Variants in ATM observed in about 807,000 individuals in gnomAD.
ATM encodes the protein ATM serine/threonine kinase.
A neutral mutation model predicts 387.0 loss-of-function variants in ATM; 308 were observed. The observed-to-expected ratio is 0.80, with a 90% CI of 0.73 to 0.87. The LOEUF is 0.87. Ranked by LOEUF, ATM falls within the 40% of genes least tolerant of loss-of-function variation. ATM has a pLI of 0.00. For synonymous variants in ATM, 1,156 were observed against 1,187.3 expected, an observed-to-expected ratio of 0.97 and a Z score of 0.54; for missense variants, 3,312 against 3,560.9, an observed-to-expected ratio of 0.93 and a Z score of 1.78.
chr11:108,245,368 G>C (rs537471765), intron 7 of ATM, among the ~76,000 whole-genome samples: 5 of 152,244 alleles, frequency 3.3e-5, no homozygotes, highest in African/African-American at 1.2e-4. Flanking sequence ...AAGAAAGCAG[G>C]ATCTTGTTTA....
chr11:108,318,973 C>T (rs567713979), intron 43 of ATM, among the ~76,000 whole-genome samples: 1 of 152,018 alleles, frequency 6.6e-6, no homozygotes, highest in South Asian at 2.1e-4. Flanking sequence ...GTTAGGAATT[C>T]AAGACAAGCT....
intron 44 of ATM, among the ~76,000 whole-genome samples, 198 bp downstream of exon 44, chr11:108,320,256 T>C (rs956237253): frequency 6.6e-6 from 1 of 152,242 alleles, no homozygotes; most frequent in African/African-American, 2.4e-5. Flanking sequence ...GTTCATTCTT[T>C]ACCCTGACCC....
At chr11:108,363,453 C>T (rs999408911) in intron 61 of ATM, among the ~76,000 whole-genome samples, 8 of 152,198 alleles carry the variant, frequency 5.3e-5, no homozygotes, top group African/African-American at 1.9e-4. Flanking sequence ...ATATCTCTCC[C>T]TCTAACTCAG....
intron 32 of ATM, among the ~76,000 whole-genome samples, chr11:108,296,448 C>T (rs898824595): frequency 6.6e-6 from 1 of 151,984 alleles, no homozygotes; most frequent in African/African-American, 2.4e-5. Flanking sequence ...GACGGGGTTT[C>T]ACCATGTTGT....
chr11:108,260,764 C>T (rs1238341639), intron 16 of ATM, among the ~76,000 whole-genome samples: 2 of 152,080 alleles, frequency 1.3e-5, no homozygotes, highest in African/African-American at 2.4e-5. Flanking sequence ...AGACAGTGGG[C>T]GCAGGTCAGT....
intron 22 of ATM, among the ~76,000 whole-genome samples, chr11:108,277,548 G>A (rs1305036501): frequency 3.3e-5 from 5 of 152,210 alleles, no homozygotes; most frequent in African/African-American, 4.8e-5. Context: ...TGCGGGAAAA[G>A]CGTAGTATCT....
chr11:108,345,743 G>A lies in ATM; in HGVS notation c.8419G>A (p.Glu2807Lys), dbSNP rs1555137929. The A allele has an allele frequency of 1.2e-6, 2 of 1,600,844 alleles. No homozygotes were observed. Among genetic ancestry groups the A allele is most frequent in the Non-Finnish European group, 1.7e-6 (2 of 1,169,320 alleles). Residue 2807 changes from glutamate (E) to lysine (K), a missense_variant and splice_region_variant, in exon 58 of 63, where the codon GAG becomes AAG. Coordinates refer to ENST00000675843, the MANE Select transcript of ATM (RefSeq NM_000051.4). Reference protein sequence around the residue: ...SAFQCQKKMMEVQKKSFEEKY... With the variant: ...SAFQCQKKMMKVQKKSFEEKY... ...AATTATATATATTCTCTATTTAAAG[G>A]AGGTGCAAAAAAAGTCTTTTGAAGA... is the stretch of plus-strand genomic sequence containing the variant.
At chr11:108,276,937 C>T (rs1021246716) in intron 22 of ATM, among the ~76,000 whole-genome samples, 1 of 152,168 alleles carries the variant, frequency 6.6e-6, no homozygotes, top group African/African-American at 2.4e-5. Flanking sequence ...CAGGCAGGAA[C>T]GTTTAAGTCC....
chr11:108,233,209 A>G (rs1591466578), intron 4 of ATM, among the ~76,000 whole-genome samples: 2 of 152,312 alleles, frequency 1.3e-5, no homozygotes, highest in East Asian at 3.9e-4. Flanking sequence ...ACAAAGCTTA[A>G]ATAGAGTCTA....
chr11:108,248,292 TATTTCTTAAA>T (rs1024504554), intron 8 of ATM, among the ~76,000 whole-genome samples: 3 of 152,214 alleles, frequency 2.0e-5, no homozygotes, highest in Non-Finnish European at 4.4e-5. Context: ...ATTTTCTTAA[TATTTCTTAAA>T]ATTTCTTAAA....
intron 55 of ATM, chr11:108,335,417 G>T: frequency 1.6e-6 from 1 of 645,048 alleles, no homozygotes; most frequent in Non-Finnish European, 2.4e-6. Context: ...TTATTTCCTT[G>T]AATAGTGCAA....
Position 108,282,734 on chromosome 11 carries a change from T to G in ATM, c.3601T>G (p.Phe1201Val), listed in dbSNP as rs576884305. The change falls in exon 25 of 63, where the codon TTT (phenylalanine) becomes GTT (valine). Residue 1201 changes from phenylalanine to valine, a missense_variant. Phe to Val is a conservative substitution (Grantham distance 50). This residue lies in a region of ATM where 1,791 missense variants were observed against 1,804.5 expected (regional missense o/e 0.99). Transcript: ENST00000675843. ...GGTTTTAGAGAAAGTTTCTGAAACT[T>G]TTGGATATAGACGTTTAGAAGACTT... ...KKVLEKVSET[F>V]GYRRLEDFMA... The G allele has an allele frequency of 6.2e-7, 1 of 1,613,416 alleles. No individual in the cohort carries two copies. Among genetic ancestry groups the G allele is most frequent in the Middle Eastern group, 1.7e-4 (1 of 6,056 alleles).
intron 61 of ATM, among the ~76,000 whole-genome samples, chr11:108,362,185 A>G (rs1468617751): frequency 1.4e-5 from 2 of 144,336 alleles, no homozygotes; most frequent in African/African-American, 2.6e-5. Context: ...GCAGCCAAAA[A>G]ACACATGAAA....
At chr11:108,245,438 T>G (rs938391464) in intron 7 of ATM, among the ~76,000 whole-genome samples, 3 of 152,204 alleles carry the variant, frequency 2.0e-5, no homozygotes, top group African/African-American at 7.2e-5. Context: ...CCAGTCAGAT[T>G]ATTCAGCTCC....
rs748543045 is a variant in ATM, at chr11:108,272,711, T to C, written c.3154-11T>C. On this transcript the variant is annotated splice_polypyrimidine_tract_variant and intron_variant, in intron 21 of 62. Coordinates refer to ENST00000675843, the MANE Select transcript of ATM (RefSeq NM_000051.4). ...TCTATTTCATATTTAACCACAGTTC[T>C]TTTCCCGTAGGCTGATCCTTATTCA... 12 of 1,613,910 alleles carry C rather than the reference T, an allele frequency of 7.4e-6. No homozygotes were observed. The highest frequency in any genetic ancestry group is 6.6e-5 in the South Asian group (6 of 91,064).
intron 16 of ATM, among the ~76,000 whole-genome samples, chr11:108,259,804 T>G (rs2080749424): frequency 6.6e-6 from 1 of 152,220 alleles, no homozygotes; most frequent in African/African-American, 2.4e-5. Flanking sequence ...ATACATTCTT[T>G]TTTCTGGAAC....
At chr11:108,329,348 A>T (rs1591153222) in intron 49 of ATM, 110 bp downstream of exon 49, 1 of 1,015,298 alleles carries the variant, frequency 9.8e-7, no homozygotes, top group East Asian at 2.6e-5. Context: ...TTTGAGCTCT[A>T]AAGGTCGGCT....
intron 61 of ATM, among the ~76,000 whole-genome samples, chr11:108,359,321 A>C: frequency 6.6e-6 from 1 of 152,082 alleles, no homozygotes; most frequent in South Asian, 2.1e-4. Context: ...CTACAAAGAG[A>C]CTTAGAATCC....
In ATM at chr11:108,235,759, T is replaced by C. The variant is rs1565357020; in HGVS notation, c.421T>C (p.Cys141Arg). Residue 141 changes from cysteine (C) to arginine (R), a missense_variant, in exon 5 of 63, where the codon TGT (cysteine) becomes CGT (arginine). Physicochemically the swap from Cys to Arg is radical, Grantham distance 180. Transcript: ENST00000675843. ...TAATGGTGCTATTTACGGAGCTGAT[T>C]GTAGCAACATACTACTCAAAGACAT... ...SSNGAIYGAD[C>R]SNILLKDILS... The C allele has an allele frequency of 6.2e-7, 1 of 1,613,424 alleles. No homozygotes were observed. Among genetic ancestry groups the C allele is most frequent in the Non-Finnish European group, 8.5e-7 (1 of 1,179,480 alleles).
Sources: allele counts gnomAD v4.1 joint callset (sites outside exome capture counted in the v4.1 genomes callset), GRCh38; gene constraint gnomAD v4.1.1; regional missense constraint gnomAD v4.1.1; transcripts MANE v1.5; gene names NCBI Gene and HGNC (gene_info 2026-07-23, HGNC 2026-07-21).